The following APOB variants were observed in gnomAD, a reference collection of about 807,000 sequenced individuals.
APOB encodes the protein apolipoprotein B-100.
A neutral mutation model predicts 314.1 loss-of-function variants in APOB; 153 were observed. The observed-to-expected ratio is 0.49, with a 90% CI of 0.43 to 0.56. The LOEUF (loss-of-function observed/expected upper bound fraction) is 0.56. APOB is among the 20% of genes least tolerant of loss of function. The pLI, the probability that APOB is intolerant of heterozygous loss-of-function variation, is 0.00. For missense variants in APOB, 5,430 were observed against 5,350.7 expected, an observed-to-expected ratio of 1.01 and a Z score of -0.46; for synonymous variants, 2,087 against 2,036.4, an observed-to-expected ratio of 1.02 and a Z score of -0.67.
chr2:21,043,903 GC>G lies in APOB; in HGVS notation c.42del (p.Pro15LeufsTer78), dbSNP rs1553301468. ...PRPALLALLA[L>X]PALLLLLLAG... ...GCCAGCAGCAGCAGCAGCAGCGCAG[GC>G]AGCGCCAGCAGCGCCAGCAGCGCGG... On this transcript the variant is annotated frameshift_variant, in exon 1 of 29. Transcript: ENST00000233242. LOFTEE classifies it high-confidence loss of function. 1 of 680,688 alleles carries G rather than the reference GC, an allele frequency of 1.5e-6. No homozygotes were observed. The highest frequency in any genetic ancestry group is 2.1e-6 in the Non-Finnish European group (1 of 486,282). 42.2% of individuals were successfully genotyped at this position (680,688 alleles called of 1,614,324 possible).
rs1663197905 is a variant in APOB, at chr2:21,008,073, G to A, written c.8795C>T (p.Ala2932Val). 1 of 1,613,924 alleles carries A rather than the reference G, an allele frequency of 6.2e-7. No individual in the cohort carries two copies. The highest frequency in any genetic ancestry group is 1.7e-5 in the Admixed American group (1 of 59,988). ...TCCCTCATCTGAGAATCTGGGGCAG[G>A]CCCATTTCCATGACCCTTTTCCAGA... ...TSSGKGSWKW[A>V]CPRFSDEGTH... The change falls in exon 26 of 29, where the codon GCC becomes GTC. Residue 2932 changes from alanine (A) to valine (V), a missense_variant. Coordinates refer to ENST00000233242, the MANE Select transcript of APOB (RefSeq NM_000384.3).
chr2:21,029,676 G>A lies in APOB; in HGVS notation c.1580C>T (p.Ala527Val), dbSNP rs886039827. The change falls in exon 12 of 29, where the codon GCC becomes GTC. Residue 527 changes from alanine (A) to valine (V), a missense_variant. Physicochemically the swap from Ala to Val is moderately conservative, Grantham distance 64. Coordinates refer to ENST00000233242, the MANE Select transcript of APOB (RefSeq NM_000384.3). Reference sequence around the variant, plus strand: ...CTCCATTTTCCGCAGAGCCTGGATGGCAGCTTTCTGGATCATCAGTGATGG... The same window carrying A: ...CTCCATTTTCCGCAGAGCCTGGATGACAGCTTTCTGGATCATCAGTGATGG... ...TKPSLMIQKAAIQALRKMEPK... is the reference protein window; with the variant it reads ...TKPSLMIQKAVIQALRKMEPK... 1.9e-6 allele frequency: 3 copies of A among 1,614,188 alleles called. No homozygotes were observed. Among genetic ancestry groups the A allele is most frequent in the Non-Finnish European group, 2.5e-6 (3 of 1,180,032 alleles).
chr2:21,001,882 T>C lies in APOB; in HGVS notation c.13540A>G (p.Ile4514Val), dbSNP rs1558558348. The change falls in exon 29 of 29, where the codon ATT becomes GTT. Residue 4514 changes from isoleucine to valine, a missense_variant. Ile to Val is a conservative substitution (Grantham distance 29). Coordinates refer to ENST00000233242, the MANE Select transcript of APOB (RefSeq NM_000384.3). ...DQLSDYYEKF[I>V]AESKRLIDLS... ...TCAATCAATCTTTTGGATTCAGCAA[T>C]AAATTTTTCATAGTAATCAGAGAGT... 1.2e-6 allele frequency: 2 copies of C among 1,614,098 alleles called. No individual in the cohort carries two copies. Among genetic ancestry groups the C allele is most frequent in the East Asian group, 2.2e-5 (1 of 44,872 alleles).
chr2:21,013,551 G>A lies in APOB; in HGVS notation c.3843-18C>T. The A allele has an allele frequency of 6.2e-7, 1 of 1,613,882 alleles. No homozygotes were observed. Among genetic ancestry groups the A allele is most frequent in the Non-Finnish European group, 8.5e-7 (1 of 1,180,014 alleles). ...GGCCATCGCTGAAATGAACAACAAAGATAACATCCCCACAGTCAGACATCA... is the reference window on the plus strand; with the variant it reads ...GGCCATCGCTGAAATGAACAACAAAAATAACATCCCCACAGTCAGACATCA... On this transcript the variant is annotated intron_variant, in intron 24 of 28. Coordinates refer to ENST00000233242, the MANE Select transcript of APOB (RefSeq NM_000384.3).
chr2:21,009,375 T>C lies in APOB; in HGVS notation c.7493A>G (p.Glu2498Gly). The change falls in exon 26 of 29, where the codon GAG becomes GGG. Residue 2498 changes from glutamate (E) to glycine (G), a missense_variant. By Grantham distance (98) the Glu-to-Gly change is moderately conservative. Around this residue, in one of 3 missense-constraint regions of APOB, gnomAD observed 3,281 missense variants for 3,171.0 expected, o/e 1.03. Coordinates refer to ENST00000233242, the MANE Select transcript of APOB (RefSeq NM_000384.3). ...KITLIINWLQ[E>G]ALSSASLAHM... The stretch of plus-strand genomic sequence containing the variant: ...AGCCAAAGATGCTGAACTTAAAGCC[T>C]CCTGTAACCAATTGATGATTAAGGT... 1.2e-6 allele frequency: 2 copies of C among 1,614,126 alleles called. No homozygotes were observed. The highest frequency in any genetic ancestry group is 1.7e-6 in the Non-Finnish European group (2 of 1,179,976).
At chr2:21,042,891 A>G (rs776448651) in intron 2 of APOB, among the ~76,000 whole-genome samples, 22 of 151,886 alleles carry the variant, frequency 1.4e-4, no homozygotes, top group Non-Finnish European at 2.9e-4. Flanking sequence ...AAGTTCATTA[A>G]GCATTAAGCG....
At chr2:21,043,629 G>A in intron 1 of APOB, 78 bp from the exon 2 acceptor site, 1 of 1,546,562 alleles carries the variant, frequency 6.5e-7, no homozygotes, top group Non-Finnish European at 8.8e-7. Flanking sequence ...GGGGACCACC[G>A]GCACAGGTTT....
chr2:21,023,449 T>A (rs771578419), intron 17 of APOB, 76 bp downstream of exon 17: 3 of 1,524,816 alleles, frequency 2.0e-6, no homozygotes, highest in South Asian at 1.1e-5. Context: ...AACACATTTT[T>A]AAATATGTTT....
chr2:21,002,970 A>G lies in APOB; in HGVS notation c.12452T>C (p.Leu4151Pro). The change falls in exon 29 of 29, where the codon CTG becomes CCG. Residue 4151 changes from leucine (L) to proline (P), a missense_variant. Leu to Pro is a moderately conservative substitution (Grantham distance 98). This residue lies in a region of APOB where 3,281 missense variants were observed against 3,171.0 expected (regional missense o/e 1.03). Transcript: ENST00000233242. ...YQEWKDKAQNLYQELLTQEGQ... is the reference protein window; with the variant it reads ...YQEWKDKAQNPYQELLTQEGQ... ...TTCCTGAGTCAACAGTTCCTGGTACAGATTCTGGGCCTTGTCCTTCCACTC... is the reference window on the plus strand; with the variant it reads ...TTCCTGAGTCAACAGTTCCTGGTACGGATTCTGGGCCTTGTCCTTCCACTC... 1 of 1,604,036 alleles carries G rather than the reference A, an allele frequency of 6.2e-7. No homozygotes were observed. Among genetic ancestry groups the G allele is most frequent in the East Asian group, 2.2e-5 (1 of 44,754 alleles).
chr2:21,038,686 C>A (rs1664063956), intron 4 of APOB, among the ~76,000 whole-genome samples: 1 of 152,186 alleles, frequency 6.6e-6, no homozygotes, highest in Admixed American at 6.5e-5. Flanking sequence ...TGTTCTCCAC[C>A]CATATCAGTC....
rs200464882 is a variant in APOB at position 21,043,527 on chromosome 2, C to G, written c.107G>C (p.Ser36Thr). 19 of 1,605,142 alleles carry G rather than the reference C, an allele frequency of 1.2e-5. No homozygotes were observed. The East Asian group carries it at 3.6e-4, about 30-fold the overall frequency. The change falls in exon 2 of 29, where the codon AGC becomes ACC. Residue 36 changes from serine (S) to threonine (T), a missense_variant. This residue lies in a region of APOB where 2,085 missense variants were observed against 2,079.7 expected (regional missense o/e 1.00). Coordinates refer to ENST00000233242, the MANE Select transcript of APOB (RefSeq NM_000384.3). ...RAEEEMLENV[S>T]LVCPKDATRF... ...AGATGCCTTACTTGGACAGACCAGGCTGACATTTTCCAGCATTTCCTCTTC... is the reference window on the plus strand; with the variant it reads ...AGATGCCTTACTTGGACAGACCAGGGTGACATTTTCCAGCATTTCCTCTTC...
chr2:21,041,160 C>A, intron 3 of APOB, 77 bp from the exon 4 acceptor site: 1 of 1,482,164 alleles, frequency 6.7e-7, no homozygotes. Flanking sequence ...AGGGCTTAAT[C>A]TCTAATCAGA....
In APOB at chr2:21,013,179, C is replaced by T; in HGVS notation, c.4197G>A (p.Leu1399=). 1 of 1,614,030 alleles carries T rather than the reference C, an allele frequency of 6.2e-7. No individual in the cohort carries two copies. ...YHMKADSVVD[L]LSYNVQGSGE... ...GCTCACCTTGCACATTGTAGGAAAG[C>T]AGGTCAACCACAGAGTCAGCCTTCA... The change falls in exon 25 of 29, where the codon CTG becomes CTA. Residue 1399 remains leucine (L), a synonymous_variant. Transcript: ENST00000233242.
rs1663245807 is a variant in APOB at position 21,009,491 on chromosome 2, T to G, written c.7377A>C (p.Leu2459=). 1 of 1,614,000 alleles carries G rather than the reference T, an allele frequency of 6.2e-7. No individual in the cohort carries two copies. Among genetic ancestry groups the G allele is most frequent in the African/African-American group, 1.3e-5 (1 of 74,928 alleles). ...GTTTTAATGCTTCAGCTTTTTGTGG[T>G]AGTTCCAGAGCCTGAATTTCACCAT... ...RLNGEIQALE[L]PQKAEALKLF... Residue 2459 remains leucine, a synonymous_variant, in exon 26 of 29, where the codon CTA becomes CTC. Transcript: ENST00000233242.
At chr2:21,039,787 ACTCTTTCCT>A (rs760549073) in intron 4 of APOB, among the ~76,000 whole-genome samples, 1 of 151,822 alleles carries the variant, frequency 6.6e-6, no homozygotes, top group Non-Finnish European at 1.5e-5. Flanking sequence ...AAAATAAACC[ACTCTTTCCT>A]CCTGCCACCA....
rs1257121382 is a variant in APOB at position 21,040,973 on chromosome 2, G to T, written c.348C>A (p.Thr116=). The T allele has an allele frequency of 6.2e-7, 1 of 1,614,042 alleles. No individual in the cohort carries two copies. Among genetic ancestry groups the T allele is most frequent in the East Asian group, 2.2e-5 (1 of 44,878 alleles). The change falls in exon 4 of 29, where the codon ACC becomes ACA. Residue 116 remains threonine (T), a synonymous_variant. Transcript: ENST00000233242. Reference sequence around the variant, plus strand: ...CTGCAGCAAACTCCTCAGAGTTCTTGGTTTTCTTCAGCAAGGCTTTGCCCT... The same window carrying T: ...CTGCAGCAAACTCCTCAGAGTTCTTTGTTTTCTTCAGCAAGGCTTTGCCCT... ...NPEGKALLKK[T]KNSEEFAAAM... is the part of the protein sequence containing the mutation.
In APOB at chr2:21,014,561, C is replaced by T. The variant is rs780723555; in HGVS notation, c.3729G>A (p.Gly1243=). Residue 1243 remains glycine, a synonymous_variant, in exon 24 of 29, where the codon GGG becomes GGA. Coordinates refer to ENST00000233242, the MANE Select transcript of APOB (RefSeq NM_000384.3). ...AMSSWLQKAS[G]SLPYTQTLQD... ...GCAAAGTCTGGGTATAAGGAAGACT[C>T]CCAGATGCCTTCTGAAGCCATGAGC... is the stretch of plus-strand genomic sequence containing the variant. 5 of 1,613,866 alleles carry T rather than the reference C, an allele frequency of 3.1e-6. No individual in the cohort carries two copies. In the African/African-American group the frequency reaches 5.3e-5, roughly 17 times the overall value.
At position 21,043,982 on chromosome 2, in the gene APOB, T is replaced by TGGCCTC. The variant is rs1400126969; in HGVS notation, c.-43_-38dup. ...GTGGGGCGGCTCCTGGGCTGCGGCC[T>TGGCCTC]GGCCTCGGCCTCGCGGCCCTGGCTG... On this transcript the variant is annotated 5_prime_UTR_variant, in exon 1 of 29. Coordinates refer to ENST00000233242, the MANE Select transcript of APOB (RefSeq NM_000384.3). The TGGCCTC allele has an allele frequency of 8.9e-7, 1 of 1,121,682 alleles. No homozygotes were observed. The highest frequency in any genetic ancestry group is 1.6e-5 in the African/African-American group (1 of 61,126). The allele number at this position is 1,121,682 out of a possible 1,614,324, so 69.5% of individuals were successfully genotyped here.
Position 21,040,314 on chromosome 2 carries a change from G to A in APOB, c.383+624C>T, listed in dbSNP as rs374320002. 2.8e-4 allele frequency among the ~76,000 whole-genome samples: 43 copies of A among 152,192 alleles called. 1 individual carries two copies. The highest frequency in any genetic ancestry group is 9.2e-4 in the African/African-American group (38 of 41,450). On this transcript the variant is annotated intron_variant, in intron 4 of 28. Coordinates refer to ENST00000233242, the MANE Select transcript of APOB (RefSeq NM_000384.3). ...ATGAAAACAGACTAATACAGACAGA[G>A]TTTTCTGATGCTACCAAGTTAACAA...
Sources: allele counts gnomAD v4.1 joint callset (sites outside exome capture counted in the v4.1 genomes callset), GRCh38; gene constraint gnomAD v4.1.1; regional missense constraint gnomAD v4.1.1; transcripts MANE v1.5; gene names NCBI Gene and HGNC (gene_info 2026-07-23, HGNC 2026-07-21).